The following FTCDNL1 variants were observed in gnomAD, a reference collection of about 807,000 sequenced individuals.
FTCDNL1 encodes formiminotransferase N-terminal subdomain-containing protein.
In FTCDNL1, 11 loss-of-function variants were observed where a neutral mutation model predicts 5.9. The ratio of observed to expected loss-of-function variants is 1.87; its 90% confidence interval spans 1.18 to 3.10. The LOEUF (loss-of-function observed/expected upper bound fraction) is 3.10. FTCDNL1 is among the 30% of genes most tolerant of loss of function. The pLI, the probability that FTCDNL1 is intolerant of heterozygous loss-of-function variation, is 0.00. For missense variants in FTCDNL1, 115 were observed against 65.5 expected (o/e 1.76, Z -2.61); for synonymous variants, 58 against 24.8 (o/e 2.34, Z -3.99).
At chr2:199,825,130 C>A (rs1234547448) in intron 3 of FTCDNL1, among the ~76,000 whole-genome samples, 1 of 147,302 alleles carries the variant, frequency 6.8e-6, no homozygotes, top group Non-Finnish European at 1.5e-5. Flanking sequence ...AGAGCAAGAC[C>A]CTGTCTCAAA....
intron 3 of FTCDNL1, among the ~76,000 whole-genome samples, chr2:199,825,807 AG>A (rs1484266563): frequency 6.6e-6 from 1 of 152,190 alleles, no homozygotes; most frequent in Non-Finnish European, 1.5e-5. Flanking sequence ...ATAGATTACC[AG>A]GTCTGGAGTA....
At chr2:199,837,276 G>A (rs1702814501) in intron 3 of FTCDNL1, among the ~76,000 whole-genome samples, 1 of 152,098 alleles carries the variant, frequency 6.6e-6, no homozygotes, top group African/African-American at 2.4e-5. Context: ...ACAATCCCTT[G>A]TTTTCTAAGA....
the FTCDNL1 span, among the ~76,000 whole-genome samples, chr2:199,753,954 G>A: frequency 6.6e-6 from 1 of 152,168 alleles, no homozygotes; most frequent in Admixed American, 6.5e-5. Flanking sequence ...ACATTAATGA[G>A]TTATTTATTA....
intron 3 of FTCDNL1, among the ~76,000 whole-genome samples, chr2:199,828,041 C>T (rs553175169): frequency 2.6e-5 from 4 of 152,254 alleles, no homozygotes; most frequent in African/African-American, 9.6e-5. Flanking sequence ...AAAGACAGTA[C>T]AATACCCTCT....
chr2:199,785,249 CTTT>C (rs61047289), intron 3 of FTCDNL1, among the ~76,000 whole-genome samples: 8 of 76,868 alleles, frequency 1.0e-4, no homozygotes, highest in Admixed American at 2.2e-4. Context: ...TTCCAAATTC[CTTT>C]TTTTTTTTTT....
intron 3 of FTCDNL1, among the ~76,000 whole-genome samples, chr2:199,799,118 T>A (rs1559197446): frequency 6.6e-6 from 1 of 152,208 alleles, no homozygotes; most frequent in Non-Finnish European, 1.5e-5. Context: ...CCCTTTCCAA[T>A]GGCAGTGCCC....
At chr2:199,663,935 G>A in the FTCDNL1 span, among the ~76,000 whole-genome samples, 1 of 151,686 alleles carries the variant, frequency 6.6e-6, no homozygotes, top group African/African-American at 2.4e-5. Context: ...ATTACTACAC[G>A]AAAGATGAAA....
intron 3 of FTCDNL1, among the ~76,000 whole-genome samples, chr2:199,780,350 CACTCCCAGCAG>C (rs1302467093): frequency 6.6e-6 from 1 of 152,152 alleles, no homozygotes. Flanking sequence ...GTTCTGCCAG[CACTCCCAGCAG>C]ACTGTGGAAT....
At chr2:199,784,109 C>A (rs1270860881) in intron 3 of FTCDNL1, among the ~76,000 whole-genome samples, 1 of 152,108 alleles carries the variant, frequency 6.6e-6, no homozygotes, top group African/African-American at 2.4e-5. Flanking sequence ...AGTTTGGGAC[C>A]TGAACCTCAG....
intron 3 of FTCDNL1, among the ~76,000 whole-genome samples, chr2:199,774,802 A>G (rs559155885): frequency 2.0e-4 from 31 of 152,186 alleles, no homozygotes; most frequent in Non-Finnish European, 1.6e-4. Context: ...GAATCTCTTT[A>G]TATGTTCCTA....
At chr2:199,820,201 ACTGT>A (rs1363640558) in intron 3 of FTCDNL1, among the ~76,000 whole-genome samples, 1 of 152,246 alleles carries the variant, frequency 6.6e-6, no homozygotes, top group Admixed American at 6.5e-5. Context: ...CAGTAACCAC[ACTGT>A]CTAATACAGT....
chr2:199,685,953 T>A, the FTCDNL1 span, among the ~76,000 whole-genome samples: 5 of 152,362 alleles, frequency 3.3e-5, no homozygotes, highest in Non-Finnish European at 7.3e-5. Context: ...TCTGACCTAG[T>A]CTGGAACATG....
chr2:199,843,195 A>T (rs1032975183), intron 3 of FTCDNL1, among the ~76,000 whole-genome samples: 1 of 152,206 alleles, frequency 6.6e-6, no homozygotes, highest in Non-Finnish European at 1.5e-5. Flanking sequence ...AGTAGCTGCC[A>T]ATGAAGCAAA....
intron 3 of FTCDNL1, among the ~76,000 whole-genome samples, chr2:199,844,145 G>A (rs2076665830): frequency 6.6e-6 from 1 of 151,560 alleles, no homozygotes; most frequent in African/African-American, 2.4e-5. Context: ...AATTTGTGAG[G>A]GATAAAATTA....
At chr2:199,687,065 C>T in the FTCDNL1 span, among the ~76,000 whole-genome samples, 1 of 152,138 alleles carries the variant, frequency 6.6e-6, no homozygotes, top group Non-Finnish European at 1.5e-5. Context: ...TATTTTGTAG[C>T]TGAGGTTTAT....
At chr2:199,800,670 G>T (rs1700399287) in intron 3 of FTCDNL1, among the ~76,000 whole-genome samples, 1 of 152,048 alleles carries the variant, frequency 6.6e-6, no homozygotes, top group Non-Finnish European at 1.5e-5. Context: ...CATTTTATAT[G>T]AACAGAATAT....
In FTCDNL1 at chr2:199,769,936, T is replaced by C. The variant is rs550236637; in HGVS notation, c.212-9101A>G. ...AACCAGGAATGATCTATTCTTTTTT[T>C]TTTTAACCTACCCAAATCCTATCTA... On this transcript the variant is annotated intron_variant, in intron 3 of 3. Coordinates refer to the FTCDNL1 transcript ENST00000416668. Among the ~76,000 whole-genome samples the C allele has an allele frequency of 8.5e-5, 13 of 152,322 alleles. No homozygotes were observed. The East Asian group carries it at 2.5e-3, about 29-fold the overall frequency.
chr2:199,830,176 T>C (rs1702277737), intron 3 of FTCDNL1, among the ~76,000 whole-genome samples: 1 of 152,194 alleles, frequency 6.6e-6, no homozygotes, highest in Admixed American at 6.5e-5. Flanking sequence ...ACTTTCATAT[T>C]TTTTAATGAG....
the FTCDNL1 span, among the ~76,000 whole-genome samples, chr2:199,684,734 G>A: frequency 1.2e-4 from 18 of 152,320 alleles, no homozygotes; most frequent in East Asian, 2.9e-3. Flanking sequence ...TGTTACGGAA[G>A]GGCCGTTCTC....
Sources: allele counts gnomAD v4.1 joint callset (sites outside exome capture counted in the v4.1 genomes callset), GRCh38; gene constraint gnomAD v4.1.1; transcripts MANE v1.5; gene names NCBI Gene and HGNC (gene_info 2026-07-23, HGNC 2026-07-21).